The following CSMD3 variants were observed in gnomAD, a reference collection of about 807,000 sequenced individuals.
CSMD3 encodes CUB and Sushi multiple domains 3, also known as CUB and sushi domain-containing protein 3.
A neutral mutation model predicts 435.2 loss-of-function variants in CSMD3; 177 were observed. The ratio of observed to expected loss-of-function variants is 0.41; its 90% CI spans 0.36 to 0.46. The LOEUF is 0.46. CSMD3 is among the 20% of genes least tolerant of loss of function. The pLI is 0.34. For missense variants in CSMD3, 4,265 were observed against 4,504.6 expected, an observed-to-expected ratio of 0.95 and a Z score of 1.52; for synonymous variants, 1,656 against 1,520.5, an observed-to-expected ratio of 1.09 and a Z score of -2.07.
Position 112,947,882 on chromosome 8 carries a change from A to C in CSMD3, c.1421-5T>G. On this transcript the variant is annotated splice_polypyrimidine_tract_variant and splice_region_variant and intron_variant, in intron 8 of 70. Coordinates refer to ENST00000297405, the MANE Select transcript of CSMD3 (RefSeq NM_198123.2). Reference sequence around the variant, plus strand: ...TTTTAATACCTCCCTCATTTACTGCAACAGCAGGGAAAAAAGAAAAAAGAA... The same window carrying C: ...TTTTAATACCTCCCTCATTTACTGCCACAGCAGGGAAAAAAGAAAAAAGAA... 2 of 1,319,586 alleles carry C rather than the reference A, an allele frequency of 1.5e-6. No individual in the cohort carries two copies. Among genetic ancestry groups the C allele is most frequent in the Non-Finnish European group, 2.2e-6 (2 of 914,770 alleles). The allele number at this position is 1,319,586 out of a possible 1,614,324, so 81.7% of individuals were successfully genotyped here.
chr8:113,105,949 T>C (rs1377676791), intron 4 of CSMD3, among the ~76,000 whole-genome samples: 1 of 152,046 alleles, frequency 6.6e-6, no homozygotes, highest in African/African-American at 2.4e-5. Flanking sequence ...GAAAAATCAT[T>C]AGAAACAGAC....
At chr8:113,316,803 G>GCCT (rs1420680694) in intron 1 of CSMD3, among the ~76,000 whole-genome samples, 2 of 31,368 alleles carry the variant, frequency 6.4e-5, no homozygotes, top group Non-Finnish European at 1.1e-4. Flanking sequence ...ACCCACCTCA[G>GCCT]CCTCCAAAAA....
intron 3 of CSMD3, among the ~76,000 whole-genome samples, chr8:113,275,608 A>G (rs1283866373): frequency 6.6e-6 from 1 of 152,106 alleles, no homozygotes; most frequent in Non-Finnish European, 1.5e-5. Context: ...AAGTCTTAGG[A>G]AAGTTTTTTA....
At chr8:112,282,358 A>T (rs1224748792) in intron 58 of CSMD3, among the ~76,000 whole-genome samples, 3 of 152,006 alleles carry the variant, frequency 2.0e-5, no homozygotes, top group Non-Finnish European at 4.4e-5. Context: ...CCTATGATAA[A>T]ACAGACATTT....
rs1297934018 is a variant in CSMD3 at position 112,956,342 on chromosome 8, T to C, written c.1343-1581A>G. Among the ~76,000 whole-genome samples the C allele has an allele frequency of 2.0e-5, 3 of 152,054 alleles. No individual in the cohort carries two copies. In the East Asian group the frequency reaches 5.8e-4, roughly 29 times the overall value. ...CCCCGATGGTAACCTAAAGTTTAATTCTTCTGAAGTGTTCAACTGCTCTAA... is the reference window on the plus strand; with the variant it reads ...CCCCGATGGTAACCTAAAGTTTAATCCTTCTGAAGTGTTCAACTGCTCTAA... On this transcript the variant is annotated intron_variant, in intron 7 of 70. Transcript: ENST00000297405.
intron 9 of CSMD3, 75 bp from the exon 10 acceptor site, chr8:112,921,826 A>G: frequency 3.4e-6 from 4 of 1,165,248 alleles, no homozygotes; most frequent in Non-Finnish European, 5.1e-6. Context: ...TCTGCTGGCA[A>G]TATCCAATAG....
intron 27 of CSMD3, among the ~76,000 whole-genome samples, chr8:112,526,257 G>A (rs1455905928): frequency 6.6e-6 from 1 of 151,768 alleles, no homozygotes; most frequent in East Asian, 1.9e-4. Flanking sequence ...TATCATAGTA[G>A]GGCATTTTAG....
chr8:112,652,419 A>AT (rs2075150771), intron 18 of CSMD3, among the ~76,000 whole-genome samples: 1 of 152,180 alleles, frequency 6.6e-6, no homozygotes, highest in South Asian at 2.1e-4. Flanking sequence ...AATCAGAGAA[A>AT]TGGGGGTTGC....
chr8:113,374,818 T>TAA (rs1215451792), intron 1 of CSMD3, among the ~76,000 whole-genome samples: 2,454 of 27,652 alleles, frequency 0.089, 100 homozygotes, highest in African/African-American at 0.16. Context: ...TGTTAAAAAG[T>TAA]AAAAAAAAAA....
chr8:112,337,409 G>A (rs1291979342), intron 43 of CSMD3, 134 bp downstream of exon 43: 4 of 743,438 alleles, frequency 5.4e-6, no homozygotes, highest in African/African-American at 1.7e-5. Flanking sequence ...AGCCTTAGGG[G>A]TTTAAAAAAT....
At chr8:112,754,060 A>G (rs1587184941) in intron 13 of CSMD3, among the ~76,000 whole-genome samples, 1 of 152,374 alleles carries the variant, frequency 6.6e-6, no homozygotes, top group South Asian at 2.1e-4. Flanking sequence ...AAGCACAGCA[A>G]GCTTGACAGA....
chr8:113,292,270 AAGAG>A (rs1250866392), intron 2 of CSMD3, among the ~76,000 whole-genome samples: 1 of 151,784 alleles, frequency 6.6e-6, no homozygotes, highest in Non-Finnish European at 1.5e-5. Context: ...GAATTTCTGA[AAGAG>A]AGAATATTGG....
chr8:112,321,787 T>G (rs1018621032), intron 45 of CSMD3, among the ~76,000 whole-genome samples: 1 of 152,110 alleles, frequency 6.6e-6, no homozygotes, highest in African/African-American at 2.4e-5. Context: ...AACTTGCAAG[T>G]AAAACACCAC....
chr8:112,610,473 A>G (rs1833171523), intron 22 of CSMD3, among the ~76,000 whole-genome samples: 1 of 152,132 alleles, frequency 6.6e-6, no homozygotes, highest in Admixed American at 6.5e-5. Flanking sequence ...ATCACATTTC[A>G]AATGGCAGTG....
At chr8:112,538,803 C>T (rs780484036) in intron 27 of CSMD3, 9 of 151,912 alleles carry the variant, frequency 5.9e-5, no homozygotes, top group Non-Finnish European at 1.0e-4. Flanking sequence ...GTAATTTCTT[C>T]CAAAGTACCA....
intron 3 of CSMD3, among the ~76,000 whole-genome samples, chr8:113,184,437 C>T (rs72687610): frequency 0.066 from 10,046 of 151,994 alleles, 448 homozygotes; most frequent in Non-Finnish European, 0.095. Flanking sequence ...CAGCCTCAAC[C>T]TTGAAGCTTT....
At chr8:112,409,054 A>G (rs1252516180) in intron 32 of CSMD3, 22 bp from the exon 33 acceptor site, 1 of 1,613,152 alleles carries the variant, frequency 6.2e-7, no homozygotes, top group African/African-American at 1.3e-5. Context: ...GAACCCGGAG[A>G]AGCAAACAAA....
chr8:112,234,228 C>A, intron 68 of CSMD3, 137 bp downstream of exon 68: 1 of 549,968 alleles, frequency 1.8e-6, no homozygotes, highest in South Asian at 2.6e-5. Flanking sequence ...CTTTAGAATA[C>A]TAAATATTTA....
intron 4 of CSMD3, among the ~76,000 whole-genome samples, chr8:113,120,053 C>A (rs1489715689): frequency 6.6e-6 from 1 of 151,882 alleles, no homozygotes; most frequent in Non-Finnish European, 1.5e-5. Flanking sequence ...ATTTGGAAGG[C>A]ATCAGCCTAA....
Sources: gnomAD v4.1 joint callset for allele counts (sites outside exome capture counted in the v4.1 genomes callset) on GRCh38, gnomAD v4.1.1 for gene constraint, MANE v1.5 for transcripts, NCBI Gene and HGNC (gene_info 2026-07-23, HGNC 2026-07-21) for gene names.